The following FRAS1 variants were observed in gnomAD, a reference collection of about 807,000 sequenced individuals.
FRAS1 encodes Fraser extracellular matrix complex subunit 1, also known as extracellular matrix organizing protein FRAS1.
A neutral mutation model predicts 435.2 loss-of-function variants in FRAS1; 290 were observed. The observed-to-expected ratio is 0.67, with a 90% confidence interval of 0.61 to 0.73. FRAS1 has a LOEUF of 0.73. Ranked by LOEUF, FRAS1 falls within the 30% of genes least tolerant of loss-of-function variation. FRAS1 has a pLI of 0.00. For missense variants in FRAS1, 4,860 were observed against 5,001.5 expected, an observed-to-expected ratio of 0.97 and a Z score of 0.85; for synonymous variants, 1,800 against 1,851.0, an observed-to-expected ratio of 0.97 and a Z score of 0.71.
At chr4:78,254,178 C>T (rs973458054) in intron 5 of FRAS1, among the ~76,000 whole-genome samples, 1 of 152,024 alleles carries the variant, frequency 6.6e-6, no homozygotes, top group Non-Finnish European at 1.5e-5. Context: ...GGATCTGTGT[C>T]CCCTTCCATT....
intron 35 of FRAS1, among the ~76,000 whole-genome samples, chr4:78,425,684 C>T (rs896376725): frequency 1.3e-5 from 2 of 152,084 alleles, no homozygotes; most frequent in African/African-American, 4.8e-5. Flanking sequence ...AGTCATAGGC[C>T]TCTACATAAT....
In FRAS1 at chr4:78,065,410, A is replaced by G. The variant is rs143119876; in HGVS notation, c.77-575A>G. ...AAAGGAAATACACAAGAATAAATTC[A>G]CAAATGGAGGATGTAGGCACAAAAT... On this transcript the variant is annotated intron_variant, in intron 1 of 73. Transcript: ENST00000512123. Among the ~76,000 whole-genome samples, 1,298 of 152,126 alleles carry G rather than the reference A, an allele frequency of 8.5e-3. 19 individuals carry two copies. Among genetic ancestry groups the G allele is most frequent in the African/African-American group, 0.03 (1,233 of 41,528 alleles).
rs72239803 is a variant in FRAS1, at chr4:78,498,510, G to GAA, written c.9116-1197_9116-1196dup. Among the ~76,000 whole-genome samples, 1,285 of 131,002 alleles carry GAA rather than the reference G, an allele frequency of 9.8e-3. 20 individuals are homozygous for GAA. The highest frequency in any genetic ancestry group is 0.032 in the African/African-American group (1,132 of 35,338). The allele number at this position is 131,002 out of a possible 152,430, so 85.9% of individuals were successfully genotyped here. On this transcript the variant is annotated intron_variant, in intron 60 of 73. Coordinates refer to ENST00000512123, the MANE Select transcript of FRAS1 (RefSeq NM_025074.7). ...AACAAGAACAAAACTCTGTCTCAAA[G>GAA]AAAAAAAAAAAAAAAGATTTATGCT...
chr4:78,307,956 C>G (rs1728855045), intron 14 of FRAS1, 110 bp from the exon 15 acceptor site: 1 of 1,116,472 alleles, frequency 9.0e-7, no homozygotes, highest in Non-Finnish European at 1.3e-6. Context: ...AGTTTAGGAA[C>G]TAAGGAACCA....
intron 40 of FRAS1, 60 bp from the exon 41 acceptor site, chr4:78,441,102 C>CT (rs893374373): frequency 8.8e-6 from 14 of 1,584,154 alleles, no homozygotes; most frequent in Admixed American, 5.2e-5. Context: ...CAATCCAGCT[C>CT]TTTTTTTACT....
intron 2 of FRAS1, among the ~76,000 whole-genome samples, chr4:78,169,080 CA>C (rs1256238969): frequency 2.6e-5 from 4 of 152,026 alleles, no homozygotes; most frequent in African/African-American, 9.7e-5. Flanking sequence ...ACCAGCCGAA[CA>C]AGGGGGAGTT....
At chr4:78,426,464 C>T (rs1276705020) in intron 35 of FRAS1, among the ~76,000 whole-genome samples, 1 of 152,002 alleles carries the variant, frequency 6.6e-6, no homozygotes, top group Non-Finnish European at 1.5e-5. Context: ...TAGTAGAAAG[C>T]CATGTCGTTT....
chr4:78,430,037 T>C (rs1274253121), intron 36 of FRAS1, among the ~76,000 whole-genome samples: 2 of 152,174 alleles, frequency 1.3e-5, no homozygotes. Flanking sequence ...TGCTGTCATT[T>C]GTATGGAAGA....
intron 41 of FRAS1, among the ~76,000 whole-genome samples, chr4:78,444,535 A>G (rs927293027): frequency 1.3e-5 from 2 of 152,224 alleles, no homozygotes; most frequent in African/African-American, 4.8e-5. Context: ...TGTTGCCTTC[A>G]GATCTGCTAG....
In FRAS1 at chr4:78,540,779, C is replaced by G. The variant is rs1313808982; in HGVS notation, c.11694C>G (p.Ser3898=). ...TGCAAGAGTTGGCGGTAGCTGCGTC[C>G]CTGTCACAGACTGGGGCGTCCATTG... ...LEMQELAVAA[S]LSQTGASIGS... is the part of the protein sequence containing the mutation. Residue 3898 remains serine, a synonymous_variant, in exon 74 of 74, where the codon TCC becomes TCG. Coordinates refer to ENST00000512123, the MANE Select transcript of FRAS1 (RefSeq NM_025074.7). The G allele has an allele frequency of 6.2e-7, 1 of 1,613,700 alleles. No individual in the cohort carries two copies. Among genetic ancestry groups the G allele is most frequent in the Non-Finnish European group, 8.5e-7 (1 of 1,179,798 alleles).
intron 9 of FRAS1, among the ~76,000 whole-genome samples, chr4:78,278,147 A>G (rs576107617): frequency 6.6e-6 from 1 of 152,364 alleles, no homozygotes; most frequent in Admixed American, 6.5e-5. Flanking sequence ...GGCTAACAGT[A>G]AGAGTTTCAG....
intron 29 of FRAS1, among the ~76,000 whole-genome samples, chr4:78,390,890 G>A (rs955316996): frequency 2.0e-5 from 3 of 152,202 alleles, no homozygotes; most frequent in Non-Finnish European, 2.9e-5. Flanking sequence ...ATGAATGTAC[G>A]AATTACTCCT....
intron 2 of FRAS1, among the ~76,000 whole-genome samples, chr4:78,113,748 A>T (rs1012488214): frequency 6.6e-6 from 1 of 151,980 alleles, no homozygotes; most frequent in African/African-American, 2.4e-5. Context: ...AGATGAGTAG[A>T]TTGCAAAAAT....
At chr4:78,537,271 C>A in intron 72 of FRAS1, 71 bp downstream of exon 72, 1 of 1,381,482 alleles carries the variant, frequency 7.2e-7, no homozygotes, top group Non-Finnish European at 1.0e-6. Context: ...ATGACTTCTG[C>A]CTAAAGTAGA....
intron 2 of FRAS1, among the ~76,000 whole-genome samples, chr4:78,072,293 A>T (rs530497739): frequency 1.3e-5 from 2 of 152,300 alleles, no homozygotes; most frequent in South Asian, 4.1e-4. Flanking sequence ...GAGTCTTTTT[A>T]AAAATTGGTG....
rs941167707 is a variant in FRAS1 at position 78,057,689 on chromosome 4, C to T, written c.-321C>T. On this transcript the variant is annotated 5_prime_UTR_variant, in exon 1 of 74. Transcript: ENST00000512123. The surrounding 1 kb of genome is among the most constrained non-coding windows in gnomAD (Gnocchi z 4.2). Reference sequence around the variant, plus strand: ...GATCCCATCGGCCAGTGACCAGCAACTTTCCGGCGAGATTTTGACGCGGAG... The same window carrying T: ...GATCCCATCGGCCAGTGACCAGCAATTTTCCGGCGAGATTTTGACGCGGAG... 4.8e-6 allele frequency: 2 copies of T among 414,808 alleles called. No individual in the cohort carries two copies. Among genetic ancestry groups the T allele is most frequent in the African/African-American group, 2.0e-5 (1 of 49,786 alleles). 25.7% of individuals were successfully genotyped at this position (414,808 alleles called of 1,614,324 possible).
intron 2 of FRAS1, among the ~76,000 whole-genome samples, chr4:78,225,931 GCTTT>G (rs2110101318): frequency 6.6e-6 from 1 of 152,028 alleles, no homozygotes; most frequent in East Asian, 1.9e-4. Flanking sequence ...CTTACTATTT[GCTTT>G]CTATTTGTTA....
intron 2 of FRAS1, among the ~76,000 whole-genome samples, chr4:78,101,220 A>G (rs1742112756): frequency 6.7e-6 from 1 of 150,092 alleles, no homozygotes; most frequent in Non-Finnish European, 1.5e-5. Flanking sequence ...TCATAAAAGG[A>G]AAGGCTAAAA....
chr4:78,250,081 A>G (rs915540244), intron 4 of FRAS1, among the ~76,000 whole-genome samples: 4 of 152,080 alleles, frequency 2.6e-5, no homozygotes, highest in African/African-American at 4.8e-5. Flanking sequence ...TAAGACATTA[A>G]TTTTGACTTT....
Sources: gnomAD v4.1 joint callset for allele counts (sites outside exome capture counted in the v4.1 genomes callset) on GRCh38, gnomAD v4.1.1 for gene constraint, Gnocchi (gnomAD v3.1) non-coding constraint, MANE v1.5 for transcripts, NCBI Gene and HGNC (gene_info 2026-07-23, HGNC 2026-07-21) for gene names.